Variants in G3BP2 observed in about 807,000 individuals in gnomAD.
The protein encoded by G3BP2 is G3BP stress granule assembly factor 2, also known as ras GTPase-activating protein-binding protein 2.
Under a neutral mutation model 56.7 loss-of-function variants are expected in G3BP2, and 11 were observed. The ratio of observed to expected loss-of-function variants is 0.19; its 90% confidence interval spans 0.12 to 0.32. The LOEUF (loss-of-function observed/expected upper bound fraction) is 0.32. G3BP2 is among the 10% of genes least tolerant of loss of function. G3BP2 has a pLI of 1.00. For synonymous variants in G3BP2, 165 were observed against 191.6 expected (o/e 0.86, Z 1.15); for missense variants, 340 against 610.9 (o/e 0.56, Z 4.67).
rs190558278 is a variant in G3BP2, at chr4:75,702,442, C to T, written c.-25+18435G>A. ...ACAGGCGTGAGCCACCACGCCTGGA[C>T]CCCCGAATTCTAACCACCTCTTTGA... On this transcript the variant is annotated intron_variant, in intron 3 of 3. Coordinates refer to the G3BP2 transcript ENST00000499709. Among the ~76,000 whole-genome samples the T allele has an allele frequency of 2.0e-4, 31 of 152,296 alleles. No individual in the cohort carries two copies. The East Asian group carries it at 5.6e-3, about 28-fold the overall frequency.
At chr4:75,656,448 T>C (rs1336471548) in intron 5 of G3BP2, among the ~76,000 whole-genome samples, 1 of 152,190 alleles carries the variant, frequency 6.6e-6, no homozygotes, top group Non-Finnish European at 1.5e-5. Flanking sequence ...AAAGCCACAA[T>C]TTAGCTTCCT....
intron 3 of G3BP2, among the ~76,000 whole-genome samples, chr4:75,710,079 T>C (rs1357190645): frequency 6.6e-6 from 1 of 152,218 alleles, no homozygotes; most frequent in East Asian, 1.9e-4. Flanking sequence ...AAGCTATTAC[T>C]GAATGTTAAT....
chr4:75,723,899 T>A (rs1431308258), intron 1 of G3BP2, among the ~76,000 whole-genome samples: 2 of 146,094 alleles, frequency 1.4e-5, no homozygotes, highest in Non-Finnish European at 3.0e-5. Context: ...TTTTTCATGT[T>A]AAAAAAAAAA....
intron 3 of G3BP2, among the ~76,000 whole-genome samples, chr4:75,720,337 C>T (rs1720112830): frequency 6.7e-6 from 1 of 150,128 alleles, no homozygotes; most frequent in Non-Finnish European, 1.5e-5. Flanking sequence ...TCCGTCTCTA[C>T]CAAAAATACA....
intron 1 of G3BP2, among the ~76,000 whole-genome samples, chr4:75,667,897 A>G (rs2149029580): frequency 6.6e-6 from 1 of 152,318 alleles, no homozygotes; most frequent in Non-Finnish European, 1.5e-5. Context: ...CTCAAAAAAC[A>G]AAAAACCGAA....
chr4:75,699,650 C>G (rs527988787), intron 3 of G3BP2, among the ~76,000 whole-genome samples: 35 of 152,276 alleles, frequency 2.3e-4, no homozygotes, highest in Non-Finnish European at 3.5e-4. Context: ...TGAACCATAA[C>G]GTATTGATTT....
Position 75,659,840 on chromosome 4 carries a change from A to G in G3BP2, c.96-916T>C, listed in dbSNP as rs116561619. ...TTGAGAGTCCATGCTTTTAACCACT[A>G]CTCTTATCATTAAACTATTTTCTCT... On this transcript the variant is annotated intron_variant, in intron 2 of 11. Transcript: ENST00000359707. Among the ~76,000 whole-genome samples the G allele has an allele frequency of 5.1e-3, 775 of 152,124 alleles. 3 individuals are homozygous for G. Among genetic ancestry groups the G allele is most frequent in the Non-Finnish European group, 8.5e-3 (581 of 67,986 alleles).
chr4:75,653,183 A>G (rs1731831211), intron 8 of G3BP2, among the ~76,000 whole-genome samples: 1 of 152,172 alleles, frequency 6.6e-6, no homozygotes. Context: ...ACTAAAAATT[A>G]CTACTTTTAA....
chr4:75,704,298 T>C (rs1022363257), intron 3 of G3BP2, among the ~76,000 whole-genome samples: 1 of 152,078 alleles, frequency 6.6e-6, no homozygotes, highest in Non-Finnish European at 1.5e-5. Flanking sequence ...ATTACAGGCG[T>C]GAGCCCCCGC....
chr4:75,652,277 C>A (rs1205706165), intron 8 of G3BP2, among the ~76,000 whole-genome samples: 1 of 152,122 alleles, frequency 6.6e-6, no homozygotes, highest in Non-Finnish European at 1.5e-5. Flanking sequence ...CTCTTTGATG[C>A]AAATACAGAT....
chr4:75,648,516 T>A, intron 9 of G3BP2, 123 bp downstream of exon 9: 1 of 504,500 alleles, frequency 2.0e-6, no homozygotes, highest in Admixed American at 3.1e-5. Context: ...TCACATCACA[T>A]CTTTAAGCAA....
chr4:75,681,198 C>T (rs1201939215), intron 3 of G3BP2, among the ~76,000 whole-genome samples: 3 of 151,562 alleles, frequency 2.0e-5, no homozygotes, highest in South Asian at 2.1e-4. Flanking sequence ...GTGGCATGCA[C>T]CTGTAGTCCC....
At chr4:75,692,606 G>A (rs996197979) in intron 3 of G3BP2, among the ~76,000 whole-genome samples, 2 of 152,080 alleles carry the variant, frequency 1.3e-5, no homozygotes, top group Admixed American at 6.6e-5. Context: ...CACTGCACCC[G>A]GCGTCAGTTC....
At chr4:75,673,667 C>A, upstream of G3BP2, 1 of 1,219,290 alleles carries the variant, frequency 8.2e-7, no homozygotes, top group South Asian at 4.3e-5. Context: ...CTGCCTTTCT[C>A]CGGTCCCGAG....
chr4:75,702,557 T>A (rs971978048), intron 3 of G3BP2, among the ~76,000 whole-genome samples: 4 of 152,226 alleles, frequency 2.6e-5, no homozygotes, highest in Non-Finnish European at 5.9e-5. Flanking sequence ...TCTTTTGTCA[T>A]AATTTGCAGG....
At position 75,645,388 on chromosome 4, in the gene G3BP2, T is replaced by C. The variant is rs1202132049; in HGVS notation, c.*42A>G. Reference sequence around the variant, plus strand: ...AAAATTAACAAGAATGCAAACACGATGAATAATGTACCACTGCCAAGACTT... The same window carrying C: ...AAAATTAACAAGAATGCAAACACGACGAATAATGTACCACTGCCAAGACTT... On this transcript the variant is annotated 3_prime_UTR_variant, in exon 12 of 12. Transcript: ENST00000359707. 2 of 1,552,842 alleles carry C rather than the reference T, an allele frequency of 1.3e-6. No homozygotes were observed. The highest frequency in any genetic ancestry group is 1.7e-6 in the Non-Finnish European group (2 of 1,147,176).
Position 75,644,248 on chromosome 4 carries a change from C to T in G3BP2, c.*1182G>A, listed in dbSNP as rs1423620157. The T allele has an allele frequency of 6.6e-6, 1 of 152,502 alleles. No individual in the cohort carries two copies. Among genetic ancestry groups the T allele is most frequent in the African/African-American group, 2.4e-5 (1 of 41,424 alleles). The allele number at this position is 152,502 out of a possible 1,614,324, so 9.4% of individuals were successfully genotyped here. A position where few individuals can be genotyped will look rare whatever the true frequency, so the allele number is the denominator to read the frequency against. ...ATATGTTTCAACGTCCACATTCAGG[C>T]TAAGAGAAAAGTCAACTAGAGGCTT... On this transcript the variant is annotated 3_prime_UTR_variant, in exon 12 of 12. Coordinates refer to ENST00000359707, the MANE Select transcript of G3BP2 (RefSeq NM_203505.3).
intron 1 of G3BP2, among the ~76,000 whole-genome samples, chr4:75,663,681 G>A (rs1402068212): frequency 2.0e-5 from 3 of 151,758 alleles, no homozygotes; most frequent in African/African-American, 7.3e-5. Context: ...CCAAGATGGT[G>A]AAACCCCATC....
intron 3 of G3BP2, among the ~76,000 whole-genome samples, chr4:75,718,845 C>T (rs995813712): frequency 2.0e-5 from 3 of 151,984 alleles, no homozygotes; most frequent in African/African-American, 7.3e-5. Context: ...GACTATAGGT[C>T]CTGGCAGCCA....
Sources: gnomAD v4.1 joint callset for allele counts (sites outside exome capture counted in the v4.1 genomes callset) on GRCh38, gnomAD v4.1.1 for gene constraint, MANE v1.5 for transcripts, NCBI Gene and HGNC (gene_info 2026-07-23, HGNC 2026-07-21) for gene names.